Variants in SSPN observed in about 807,000 individuals in gnomAD.
SSPN encodes sarcospan, also known as K-ras oncogene-associated protein.
In SSPN, 15 loss-of-function variants were observed where a neutral mutation model predicts 19.1. The observed-to-expected ratio is 0.78, with a 90% CI of 0.52 to 1.21. The LOEUF (loss-of-function observed/expected upper bound fraction) is 1.21. SSPN is among the 50% of genes most tolerant of loss of function. SSPN has a pLI of 0.00. For missense variants in SSPN, 291 were observed against 314.0 expected (o/e 0.93, Z 0.55); for synonymous variants, 147 against 140.3 (o/e 1.05, Z -0.34).
intron 2 of SSPN, among the ~76,000 whole-genome samples, chr12:26,229,725 T>G (rs1374004925): frequency 2.0e-5 from 3 of 152,212 alleles, no homozygotes; most frequent in Admixed American, 6.5e-5. Flanking sequence ...GAACTATGTG[T>G]ACTAGTCTCA....
intron 1 of SSPN, chr12:26,124,937 T>C: frequency 2.7e-6 from 2 of 751,574 alleles, no homozygotes; most frequent in Non-Finnish European, 4.7e-6. Context: ...AAGCAGTTGG[T>C]CCCCCCCCTC....
rs142837993 is a variant in SSPN at position 26,161,394 on chromosome 12, G to A, written c.-31+39242G>A. Among the ~76,000 whole-genome samples, 581 of 152,034 alleles carry A rather than the reference G, an allele frequency of 3.8e-3. 3 individuals carry two copies. The highest frequency in any genetic ancestry group is 0.012 in the African/African-American group (513 of 41,466). ...CTCTGCCTGGAGCAGTCTTCCCAAT[G>A]GCATCCTCTGGGTTCACTCCATCTC... is the stretch of plus-strand genomic sequence containing the variant. On this transcript the variant is annotated intron_variant, in intron 1 of 2. Transcript: ENST00000538142.
intron 1 of SSPN, among the ~76,000 whole-genome samples, chr12:26,185,040 T>C (rs1456127207): frequency 6.6e-6 from 1 of 152,212 alleles, no homozygotes; most frequent in Non-Finnish European, 1.5e-5. Context: ...ACACTAAGAT[T>C]AAATTATTTT....
At chr12:26,137,515 G>T (rs1018663615) in intron 1 of SSPN, among the ~76,000 whole-genome samples, 1 of 151,182 alleles carries the variant, frequency 6.6e-6, no homozygotes, top group African/African-American at 2.4e-5. Flanking sequence ...ATAGAATGAG[G>T]ATCTTATATG....
At chr12:26,125,994 C>T (rs956284769) in intron 1 of SSPN, 2 of 152,030 alleles carry the variant, frequency 1.3e-5, no homozygotes, top group Non-Finnish European at 2.9e-5. Context: ...TTTACTACCG[C>T]TGGCACCTCC....
Position 26,230,800 on chromosome 12 carries a change from G to T in SSPN, c.456G>T (p.Gln152His). 6.2e-7 allele frequency: 1 copy of T among 1,614,220 alleles called. No individual in the cohort carries two copies. Among genetic ancestry groups the T allele is most frequent in the Non-Finnish European group, 8.5e-7 (1 of 1,180,050 alleles). ...FAAHHYSQLT[Q>H]FTCETTLDSC... ...CCCACCACTATTCGCAGCTCACACA[G>T]TTTACCTGTGAGACCACACTCGACT... Residue 152 changes from glutamine to histidine, a missense_variant, in exon 3 of 3, where the codon CAG becomes CAT. Physicochemically the swap from Gln to His is conservative, Grantham distance 24. Coordinates refer to ENST00000242729, the MANE Select transcript of SSPN (RefSeq NM_005086.5).
rs552488144 is a variant in SSPN, at chr12:26,220,092, C to A, written c.280-4201C>A. 2.2e-3 allele frequency among the ~76,000 whole-genome samples: 334 copies of A among 152,204 alleles called. 1 individual carries two copies. Among genetic ancestry groups the A allele is most frequent in the Admixed American group, 1.3e-3 (20 of 15,290 alleles). ...GTCCTGCCAACTCAGGAGACAAAAC[C>A]ATTAGTCTACCATGAGAAATCTGGT... On this transcript the variant is annotated intron_variant, in intron 1 of 2. Coordinates refer to ENST00000242729, the MANE Select transcript of SSPN (RefSeq NM_005086.5).
intron 1 of SSPN, among the ~76,000 whole-genome samples, chr12:26,130,534 G>A (rs1299076134): frequency 3.3e-5 from 5 of 152,218 alleles, no homozygotes; most frequent in South Asian, 4.2e-4. Flanking sequence ...TAGCTAAAGC[G>A]AAAAATCATA....
At chr12:26,124,253 G>GGGGGGGGGGGGGGGGGGGGGC in intron 1 of SSPN, 1 of 785,906 alleles carries the variant, frequency 1.3e-6, no homozygotes, top group Non-Finnish European at 2.1e-6. Context: ...ACCCTCGTCT[G>GGGGGGGGGGGGGGGGGGGGGC]CCCCCCCCGC....
At chr12:26,125,130 G>C in intron 1 of SSPN, 1 of 390,964 alleles carries the variant, frequency 2.6e-6, no homozygotes, top group East Asian at 5.6e-5. Context: ...GGCGGGGGAG[G>C]AGGGGCCGGG....
At chr12:26,162,434 A>T (rs1049848827) in intron 1 of SSPN, among the ~76,000 whole-genome samples, 7 of 152,264 alleles carry the variant, frequency 4.6e-5, no homozygotes, top group African/African-American at 1.7e-4. Flanking sequence ...TCTGCTGATA[A>T]ATTTGTGGCT....
intron 1 of SSPN, among the ~76,000 whole-genome samples, chr12:26,163,756 T>C (rs546194603): frequency 1.3e-5 from 2 of 152,354 alleles, no homozygotes; most frequent in South Asian, 4.1e-4. Flanking sequence ...ACATGAATTT[T>C]GGAAGAGATA....
chr12:26,173,694 T>C (rs1944666587), intron 1 of SSPN, among the ~76,000 whole-genome samples: 1 of 152,218 alleles, frequency 6.6e-6, no homozygotes. Context: ...GGTATTTCTC[T>C]TAGAAAGCTA....
chr12:26,142,419 G>A (rs1398607562), intron 1 of SSPN, among the ~76,000 whole-genome samples: 1 of 152,138 alleles, frequency 6.6e-6, no homozygotes, highest in African/African-American at 2.4e-5. Context: ...CCATGGGATT[G>A]GTGACCAATT....
chr12:26,122,527 C>G (rs1427914352), intron 1 of SSPN: 28 of 1,276,878 alleles, frequency 2.2e-5, no homozygotes, highest in South Asian at 3.9e-5. Context: ...CCGCCTCCGC[C>G]GAACGCCACC....
At chr12:26,158,298 C>T (rs1454867909) in intron 1 of SSPN, among the ~76,000 whole-genome samples, 1 of 151,934 alleles carries the variant, frequency 6.6e-6, no homozygotes, top group South Asian at 2.1e-4. Flanking sequence ...TTCCTTTCCT[C>T]CTCCCTTCTT....
At chr12:26,126,968 G>C (rs1591841306) in intron 1 of SSPN, among the ~76,000 whole-genome samples, 2 of 152,116 alleles carry the variant, frequency 1.3e-5, no homozygotes, top group African/African-American at 4.8e-5. Flanking sequence ...AAGACCCTTC[G>C]ATGGGGAGGG....
chr12:26,124,538 A>C (rs1565665798), intron 1 of SSPN: 16 of 1,614,038 alleles, frequency 9.9e-6, no homozygotes, highest in African/African-American at 1.3e-5. Flanking sequence ...GTCTCGTTTC[A>C]TGCTCCTTTT....
At chr12:26,148,360 G>A (rs997860357) in intron 1 of SSPN, among the ~76,000 whole-genome samples, 1 of 152,220 alleles carries the variant, frequency 6.6e-6, no homozygotes, top group Non-Finnish European at 1.5e-5. Context: ...TCTGGGCACC[G>A]ATGGGGAGGA....
Sources: gnomAD v4.1 joint callset for allele counts (sites outside exome capture counted in the v4.1 genomes callset) on GRCh38, gnomAD v4.1.1 for gene constraint, MANE v1.5 for transcripts, NCBI Gene and HGNC (gene_info 2026-07-23, HGNC 2026-07-21) for gene names.